CERK: variants seen among roughly 807,000 people sequenced by gnomAD.
CERK encodes the protein ceramide kinase.
In CERK, 39 loss-of-function variants were observed where a neutral mutation model predicts 63.4. That is an observed-to-expected ratio of 0.61 (90% CI 0.48 to 0.80). The LOEUF (loss-of-function observed/expected upper bound fraction) is 0.80. CERK is among the 30% of genes least tolerant of loss of function. The pLI is 0.00. For missense variants in CERK, 670 were observed against 714.1 expected, an observed-to-expected ratio of 0.94 and a Z score of 0.70; for synonymous variants, 302 against 280.0, an observed-to-expected ratio of 1.08 and a Z score of -0.78.
rs780481483 is a variant in CERK at position 46,690,103 on chromosome 22, T to C, written c.1430A>G (p.Lys477Arg). Reference protein sequence around the residue: ...DEDSDLKEGGKKRFGHICSSH... With the variant: ...DEDSDLKEGGRKRFGHICSSH... ...GCTGCAAATGTGCCCAAAGCGCTTC[T>C]TCCCCCCCTCCTTGAGGTCGCTGTC... Residue 477 changes from lysine (K) to arginine (R), a missense_variant, in exon 12 of 13, where the codon AAG becomes AGG. Physicochemically the swap from Lys to Arg is conservative, Grantham distance 26. Transcript: ENST00000216264. 1.9e-5 allele frequency: 31 copies of C among 1,613,950 alleles called. 1 individual carries two copies. In the Admixed American group the frequency reaches 2.0e-4, roughly 10 times the overall value.
In CERK at chr22:46,720,980, C is replaced by T. The variant is rs555984712; in HGVS notation, c.178G>A (p.Val60Ile). ...TTCCCGTGAACGTCTGTTTCCTCAA[C>T]GGCGATGATCTCAGATACAGGCACA... ...CSVPVSEIIAVEETDVHGKHQ... is the reference protein window; with the variant it reads ...CSVPVSEIIAIEETDVHGKHQ... The change falls in exon 2 of 13, where the codon GTT becomes ATT. Residue 60 changes from valine to isoleucine, a missense_variant. By Grantham distance (29) the Val-to-Ile change is conservative. Coordinates refer to ENST00000216264, the MANE Select transcript of CERK (RefSeq NM_022766.6). 482 of 1,613,612 alleles carry T rather than the reference C, an allele frequency of 3.0e-4. 3 individuals are homozygous for T. In the South Asian group the frequency reaches 5.1e-3, roughly 17 times the overall value.
chr22:46,701,676 G>A lies in CERK; in HGVS notation c.750C>T (p.Gly250=), dbSNP rs1029562596. 19 of 1,559,328 alleles carry A rather than the reference G, an allele frequency of 1.2e-5. No individual in the cohort carries two copies. In the Admixed American group the frequency reaches 1.7e-4, roughly 14 times the overall value. ...STDCVCYSTV[G]TSDAETSALH... ...GCGCCGAGGTTTCTGCGTCGCTGGT[G>A]CCCACGGTGGAGTAACACACGCAGT... The change falls in exon 7 of 13, where the codon GGC becomes GGT. Residue 250 remains glycine, a synonymous_variant. Coordinates refer to ENST00000216264, the MANE Select transcript of CERK (RefSeq NM_022766.6).
chr22:46,720,198 TACA>T lies in CERK; in HGVS notation c.264_266del (p.Cys88_Val89delinsTer). On this transcript the variant is annotated stop_gained and inframe_deletion, in exon 3 of 13. Transcript: ENST00000216264. LOFTEE classifies it high-confidence loss of function. ...TCCAGCGGTGCCGTCGTGCTCTCTT[TACA>T]CAGTGAACTGCACAGAAGCAAGCAT... is the stretch of plus-strand genomic sequence containing the variant. 6.2e-7 allele frequency: 1 copy of T among 1,613,588 alleles called. No homozygotes were observed. Among genetic ancestry groups the T allele is most frequent in the Non-Finnish European group, 8.5e-7 (1 of 1,179,812 alleles).
chr22:46,701,300 G>A (rs915758300), intron 7 of CERK, among the ~76,000 whole-genome samples: 11 of 152,260 alleles, frequency 7.2e-5, no homozygotes, highest in Admixed American at 3.9e-4. Flanking sequence ...GGCGGGACGC[G>A]GGTGGTTTCC....
chr22:46,724,996 G>A (rs192727396), intron 1 of CERK, among the ~76,000 whole-genome samples: 118 of 152,062 alleles, frequency 7.8e-4, no homozygotes, highest in African/African-American at 2.7e-3. Flanking sequence ...ACTCCAGCCT[G>A]GGCGAAAGAC....
chr22:46,691,290 C>G (rs1457000881), intron 11 of CERK, among the ~76,000 whole-genome samples: 3 of 152,164 alleles, frequency 2.0e-5, no homozygotes, highest in African/African-American at 7.2e-5. Context: ...CCAGGCTGGT[C>G]TCAAACTCCT....
chr22:46,725,789 G>A lies in CERK; in HGVS notation c.143-4774C>T, dbSNP rs192404306. On this transcript the variant is annotated intron_variant, in intron 1 of 12. Transcript: ENST00000216264. Reference sequence around the variant, plus strand: ...CTCCTGGTTCTCGTGCGGCTCACGCGTTTGCTGACTCCCTCTCTGCAGACC... The same window carrying A: ...CTCCTGGTTCTCGTGCGGCTCACGCATTTGCTGACTCCCTCTCTGCAGACC... 1.3e-4 allele frequency among the ~76,000 whole-genome samples: 20 copies of A among 152,336 alleles called. 1 individual carries two copies. Among genetic ancestry groups the A allele is most frequent in the East Asian group, 7.7e-4 (4 of 5,190 alleles).
intron 3 of CERK, among the ~76,000 whole-genome samples, chr22:46,713,871 C>G (rs1291104003): frequency 1.3e-5 from 2 of 152,130 alleles, no homozygotes; most frequent in African/African-American, 4.8e-5. Context: ...GTGGCTGACA[C>G]CTGTAATCCC....
chr22:46,732,132 C>T (rs182317660), intron 1 of CERK, among the ~76,000 whole-genome samples: 2 of 152,020 alleles, frequency 1.3e-5, no homozygotes, highest in Non-Finnish European at 2.9e-5. Flanking sequence ...ACCCAGCAGA[C>T]GTGTGGGATC....
chr22:46,694,148 T>C (rs1389595841), intron 9 of CERK, among the ~76,000 whole-genome samples: 1 of 152,162 alleles, frequency 6.6e-6, no homozygotes, highest in African/African-American at 2.4e-5. Flanking sequence ...AAGGAGGTTC[T>C]GAAGTCTGCA....
intron 3 of CERK, among the ~76,000 whole-genome samples, chr22:46,715,479 C>T (rs374207320): frequency 2.6e-5 from 4 of 152,102 alleles, no homozygotes; most frequent in Non-Finnish European, 4.4e-5. Context: ...GTAGGGAAAA[C>T]GAGACTTTCC....
intron 7 of CERK, among the ~76,000 whole-genome samples, chr22:46,701,418 C>A (rs565666159): frequency 2.2e-4 from 34 of 152,398 alleles, no homozygotes; most frequent in African/African-American, 7.5e-4. Flanking sequence ...TCGGCCCACA[C>A]TGGGCGTGCC....
Position 46,727,287 on chromosome 22 carries a change from C to CT in CERK, c.143-6273dup, listed in dbSNP as rs953552357. ...TTAGTAGCCACCAATGTCTCCTCTT[C>CT]TTTTTTTTTTTGAGACAGGTCTCAC... On this transcript the variant is annotated intron_variant, in intron 1 of 12. Transcript: ENST00000216264. Among the ~76,000 whole-genome samples the CT allele has an allele frequency of 1.2e-3, 169 of 146,558 alleles. No homozygotes were observed. The Middle Eastern group carries it at 0.014, about 12-fold the overall frequency.
intron 1 of CERK, among the ~76,000 whole-genome samples, chr22:46,721,371 C>T (rs2146582175): frequency 6.6e-6 from 1 of 152,242 alleles, no homozygotes; most frequent in East Asian, 1.9e-4. Context: ...CGGCTCACTG[C>T]AAGCTCTGCC....
intron 6 of CERK, among the ~76,000 whole-genome samples, chr22:46,703,536 C>T (rs1227244380): frequency 6.6e-6 from 1 of 152,182 alleles, no homozygotes; most frequent in African/African-American, 2.4e-5. Flanking sequence ...CAGGCTGCTC[C>T]CCAGGTTGCC....
chr22:46,724,916 G>C (rs1477290134), intron 1 of CERK, among the ~76,000 whole-genome samples: 2 of 152,172 alleles, frequency 1.3e-5, no homozygotes, highest in African/African-American at 4.8e-5. Flanking sequence ...AGCTACTCAG[G>C]AGGCTGAGGC....
chr22:46,736,580 G>C (rs2082974828), intron 1 of CERK, among the ~76,000 whole-genome samples: 1 of 152,204 alleles, frequency 6.6e-6, no homozygotes, highest in African/African-American at 2.4e-5. Flanking sequence ...TTCGGGCCCA[G>C]GTCAGGCACC....
Position 46,690,346 on chromosome 22 carries a change from C to T in CERK, c.1333-146G>A, listed in dbSNP as rs2082724365. ...CGGAGGATGCGACTGCTTGTGCAGG[C>T]CCCTGGAGTTCCCTTTCCAGCTGAA... On this transcript the variant is annotated intron_variant, in intron 11 of 12. Transcript: ENST00000216264. 4 of 605,058 alleles carry T rather than the reference C, an allele frequency of 6.6e-6. No homozygotes were observed. The South Asian group carries it at 8.4e-5, about 13-fold the overall frequency. The allele number at this position is 605,058 out of a possible 1,614,324, so 37.5% of individuals were successfully genotyped here. A position where few individuals can be genotyped will look rare whatever the true frequency, so the allele number is the denominator to read the frequency against.
chr22:46,696,107 C>T (rs923452423), intron 8 of CERK, among the ~76,000 whole-genome samples: 1 of 152,230 alleles, frequency 6.6e-6, no homozygotes, highest in Admixed American at 6.5e-5. Flanking sequence ...GGCCTCACAT[C>T]CTCATCCGCA....
Sources: allele counts gnomAD v4.1 joint callset (sites outside exome capture counted in the v4.1 genomes callset), GRCh38; gene constraint gnomAD v4.1.1; transcripts MANE v1.5; gene names NCBI Gene and HGNC (gene_info 2026-07-23, HGNC 2026-07-21).